The following PATJ variants were observed in gnomAD, a reference collection of about 807,000 sequenced individuals.
The protein encoded by PATJ is PATJ crumbs cell polarity complex component, also known as inaD-like protein.
A neutral mutation model predicts 224.9 loss-of-function variants in PATJ; 190 were observed. The ratio of observed to expected loss-of-function variants is 0.84; its 90% CI spans 0.75 to 0.95. The LOEUF (loss-of-function observed/expected upper bound fraction) is 0.95. Among genes scored for constraint, PATJ ranks in the 40% least tolerant of loss-of-function variants. The pLI, the probability that PATJ is intolerant of heterozygous loss-of-function variation, is 0.00. For missense variants in PATJ, 2,121 were observed against 2,270.3 expected (o/e 0.93, Z 1.34); for synonymous variants, 769 against 820.3 (o/e 0.94, Z 1.07).
At chr1:62,136,015 ATTTTT>A (rs374594803) in intron 41 of PATJ, among the ~76,000 whole-genome samples, 3 of 63,902 alleles carry the variant, frequency 4.7e-5, no homozygotes, top group Admixed American at 2.2e-4. Flanking sequence ...AGACCATTAG[ATTTTT>A]TTTTTTTTTT....
At chr1:62,158,570 A>C (rs975364861) in intron 43 of PATJ, among the ~76,000 whole-genome samples, 1 of 147,928 alleles carries the variant, frequency 6.8e-6, no homozygotes, top group African/African-American at 2.4e-5. Context: ...AAATACAAAA[A>C]ATTAGCCAGG....
At chr1:62,095,883 A>C (rs974448165) in intron 33 of PATJ, among the ~76,000 whole-genome samples, 4 of 152,204 alleles carry the variant, frequency 2.6e-5, no homozygotes, top group African/African-American at 9.7e-5. Flanking sequence ...GTTTCTGCTT[A>C]AAGACACCTC....
chr1:62,121,776 GAAA>G lies in PATJ; in HGVS notation c.5005+490_5005+492del, dbSNP rs779754902. Among the ~76,000 whole-genome samples, 2 of 48,140 alleles carry G rather than the reference GAAA, an allele frequency of 4.2e-5. 1 individual carries two copies. The highest frequency in any genetic ancestry group is 2.5e-4 in the African/African-American group (2 of 8,142). 31.6% of individuals were successfully genotyped at this position (48,140 alleles called of 152,430 possible). A position where few individuals can be genotyped will look rare whatever the true frequency, so the allele number is the denominator to read the frequency against. On this transcript the variant is annotated intron_variant, in intron 38 of 43. Transcript: ENST00000642238. ...GTGACAGAGCAAGACTCCGTCTCCA[GAAA>G]AAAAAAAAGAAATTCCTTCAGTGGC...
Position 62,122,140 on chromosome 1 carries a change from G to A in PATJ, c.5005+845G>A, listed in dbSNP as rs140300556. Among the ~76,000 whole-genome samples the A allele has an allele frequency of 1.6e-4, 24 of 151,994 alleles. No homozygotes were observed. In the East Asian group the frequency reaches 3.3e-3, roughly 21 times the overall value. On this transcript the variant is annotated intron_variant, in intron 38 of 43. Coordinates refer to ENST00000642238, the MANE Select transcript of PATJ (RefSeq NM_001350145.3). ...AGCACTTTGGGAGGCCAAGGCAGGCGGATCACCTGAGGTCAGGAGTTTGAG... is the reference window on the plus strand; with the variant it reads ...AGCACTTTGGGAGGCCAAGGCAGGCAGATCACCTGAGGTCAGGAGTTTGAG...
At chr1:61,812,114 T>C (rs1654899141) in intron 14 of PATJ, among the ~76,000 whole-genome samples, 1 of 152,140 alleles carries the variant, frequency 6.6e-6, no homozygotes, top group Non-Finnish European at 1.5e-5. Context: ...TCTTTTCCTC[T>C]ATTTCTTCAA....
intron 28 of PATJ, among the ~76,000 whole-genome samples, chr1:62,011,344 C>T (rs1646435706): frequency 6.6e-6 from 1 of 152,196 alleles, no homozygotes; most frequent in South Asian, 2.1e-4. Context: ...TACTTGAACA[C>T]TTAAAGATCA....
intron 27 of PATJ, among the ~76,000 whole-genome samples, chr1:61,966,977 A>AT (rs1182943717): frequency 1.3e-5 from 2 of 152,114 alleles, no homozygotes; most frequent in African/African-American, 2.4e-5. Flanking sequence ...AAGCTGTTGT[A>AT]TCAGCAAGAT....
intron 36 of PATJ, 61 bp from the exon 37 acceptor site, chr1:62,117,071 A>G: frequency 7.3e-7 from 1 of 1,371,096 alleles, no homozygotes; most frequent in African/African-American, 1.4e-5. Flanking sequence ...GGCTCTGTTA[A>G]GATATTTCAG....
chr1:61,920,559 C>T (rs942068721), intron 26 of PATJ, among the ~76,000 whole-genome samples: 13 of 152,066 alleles, frequency 8.5e-5, no homozygotes, highest in African/African-American at 2.7e-4. Flanking sequence ...AGCATGAAAA[C>T]GGACTAATAT....
intron 14 of PATJ, among the ~76,000 whole-genome samples, chr1:61,809,144 C>T (rs978697370): frequency 1.1e-4 from 17 of 152,106 alleles, no homozygotes; most frequent in African/African-American, 3.6e-4. Context: ...AAGACAACTT[C>T]GACAGTTTTT....
At chr1:61,970,622 A>G (rs1475375698) in intron 27 of PATJ, among the ~76,000 whole-genome samples, 1 of 152,112 alleles carries the variant, frequency 6.6e-6, no homozygotes, top group Admixed American at 6.6e-5. Flanking sequence ...CCTCCCAAGT[A>G]GCTAGGATTG....
rs192422164 is a variant in PATJ at position 61,838,616 on chromosome 1, T to A, written c.2112+4831T>A. On this transcript the variant is annotated intron_variant, in intron 17 of 43. Transcript: ENST00000642238. ...CGATCTCCTGACCTCGTGATCCACC[T>A]GCCTTGGCCTCCCAAAGTGCTGGGA... Among the ~76,000 whole-genome samples the A allele has an allele frequency of 2.4e-4, 36 of 149,668 alleles. 1 individual carries two copies. The highest frequency in any genetic ancestry group is 8.9e-4 in the African/African-American group (36 of 40,548).
chr1:61,797,163 C>G, intron 10 of PATJ, 124 bp from the exon 11 acceptor site: 1 of 1,123,674 alleles, frequency 8.9e-7, no homozygotes, highest in South Asian at 1.5e-5. Flanking sequence ...CGTGAGCCAC[C>G]ACACCCGGCC....
chr1:62,040,156 C>T (rs1013476536), intron 30 of PATJ, among the ~76,000 whole-genome samples: 1 of 150,944 alleles, frequency 6.6e-6, no homozygotes, highest in South Asian at 2.1e-4. Context: ...GTCACCCAGG[C>T]GGAGTGCAGT....
chr1:61,787,921 T>G lies in PATJ; in HGVS notation c.1017T>G (p.Pro339=), dbSNP rs756118957. The G allele has an allele frequency of 6.2e-7, 1 of 1,614,006 alleles. No individual in the cohort carries two copies. Among genetic ancestry groups the G allele is most frequent in the East Asian group, 2.2e-5 (1 of 44,886 alleles). ...ACATTTCAGTCACCCCCCCTGCCCC[T>G]GCAGCCTTACCTGTTGCCCTGCCTA... ...AGDISVTPPA[P]AALPVALPTV... Residue 339 remains proline, a synonymous_variant, in exon 8 of 44, where the codon CCT becomes CCG. Coordinates refer to ENST00000642238, the MANE Select transcript of PATJ (RefSeq NM_001350145.3).
At chr1:61,748,661 C>T (rs1400795918) in intron 1 of PATJ, among the ~76,000 whole-genome samples, 4 of 152,144 alleles carry the variant, frequency 2.6e-5, no homozygotes, top group Non-Finnish European at 4.4e-5. Context: ...TCAGAACTAA[C>T]TTACTGATTA....
intron 15 of PATJ, among the ~76,000 whole-genome samples, chr1:61,825,896 C>A (rs1246871984): frequency 2.0e-5 from 3 of 152,002 alleles, no homozygotes; most frequent in Non-Finnish European, 2.9e-5. Context: ...AAGTTACTAC[C>A]CATTTAGTTG....
intron 25 of PATJ, among the ~76,000 whole-genome samples, chr1:61,912,660 G>A (rs1456075774): frequency 7.6e-6 from 1 of 131,298 alleles, no homozygotes; most frequent in Non-Finnish European, 1.6e-5. Context: ...AGGGAGGGAA[G>A]GAAGGGAGGG....
intron 28 of PATJ, among the ~76,000 whole-genome samples, chr1:62,016,416 T>C (rs1439192180): frequency 6.6e-6 from 1 of 152,234 alleles, no homozygotes; most frequent in East Asian, 1.9e-4. Flanking sequence ...CAATTCCTTT[T>C]ACTGTCCCTT....
Sources: allele counts gnomAD v4.1 joint callset (sites outside exome capture counted in the v4.1 genomes callset), GRCh38; gene constraint gnomAD v4.1.1; transcripts MANE v1.5; gene names NCBI Gene and HGNC (gene_info 2026-07-23, HGNC 2026-07-21).